UGT2B7: variants seen among roughly 807,000 people sequenced by gnomAD.
The protein encoded by UGT2B7 is UDP glucuronosyltransferase family 2 member B7.
A neutral mutation model predicts 51.9 loss-of-function variants in UGT2B7; 51 were observed. That is an observed-to-expected ratio of 0.98 (90% CI 0.78 to 1.24). The LOEUF is 1.24. UGT2B7 is among the 50% of genes most tolerant of loss of function. The pLI is 0.00. For synonymous variants in UGT2B7, 225 were observed against 211.6 expected (o/e 1.06, Z -0.55); for missense variants, 727 against 628.4 (o/e 1.16, Z -1.68).
chr4:69,084,934 G>A (rs1414615319), intron 1 of UGT2B7, among the ~76,000 whole-genome samples: 1 of 152,090 alleles, frequency 6.6e-6, no homozygotes, highest in Admixed American at 6.6e-5. Context: ...AAAAATACTT[G>A]TGCATGTGTC....
chr4:69,064,104 A>AGG (rs1560499781), intron 1 of UGT2B7, among the ~76,000 whole-genome samples: 3 of 110,568 alleles, frequency 2.7e-5, no homozygotes, highest in African/African-American at 1.3e-4. Context: ...AAGAGAAAGA[A>AGG]AGAAAGAAAA....
intron 1 of UGT2B7, among the ~76,000 whole-genome samples, chr4:69,061,855 C>T (rs1030294063): frequency 1.3e-5 from 2 of 152,078 alleles, no homozygotes; most frequent in South Asian, 4.1e-4. Context: ...TCCGAATTGC[C>T]CCAAGCAGGG....
intron 1 of UGT2B7, among the ~76,000 whole-genome samples, chr4:69,053,935 C>A (rs1718112336): frequency 6.6e-6 from 1 of 152,068 alleles, no homozygotes; most frequent in South Asian, 2.1e-4. Flanking sequence ...AATAAGATAT[C>A]ATAAAGCGAG....
chr4:69,100,020 T>A (rs1475191901), intron 2 of UGT2B7, among the ~76,000 whole-genome samples: 1 of 152,038 alleles, frequency 6.6e-6, no homozygotes, highest in Non-Finnish European at 1.5e-5. Flanking sequence ...ATGTGTTCCT[T>A]TAATATTTGC....
chr4:69,088,094 C>A (rs1394270480), intron 1 of UGT2B7, among the ~76,000 whole-genome samples: 1 of 151,858 alleles, frequency 6.6e-6, no homozygotes, highest in Non-Finnish European at 1.5e-5. Context: ...ATGTTTGATA[C>A]TTTCCATATG....
chr4:69,070,048 T>G (rs1199086471), intron 1 of UGT2B7, among the ~76,000 whole-genome samples: 1 of 151,920 alleles, frequency 6.6e-6, no homozygotes, highest in East Asian at 1.9e-4. Flanking sequence ...AAACATTATG[T>G]AAGGTACAAT....
intron 1 of UGT2B7, among the ~76,000 whole-genome samples, chr4:69,064,028 G>GAAAGAAAGAAAGAAAGAAAT (rs1718417076): frequency 1.9e-5 from 1 of 53,982 alleles, no homozygotes; most frequent in African/African-American, 1.1e-4. Flanking sequence ...GGGAAAGAAA[G>GAAAGAAAGAAAGAAAGAAAT]AAAGAAAGAA....
chr4:69,100,695 A>G (rs955611460), intron 2 of UGT2B7, among the ~76,000 whole-genome samples: 4 of 152,026 alleles, frequency 2.6e-5, no homozygotes, highest in African/African-American at 9.7e-5. Context: ...AAAAGGGATG[A>G]CTAGTACTAA....
At chr4:69,105,564 A>G (rs1193448050) in intron 3 of UGT2B7, among the ~76,000 whole-genome samples, 1 of 152,236 alleles carries the variant, frequency 6.6e-6, no homozygotes, top group Non-Finnish European at 1.5e-5. Flanking sequence ...CTCAGTGTTA[A>G]TAATCAGTTA....
At position 69,097,241 on chromosome 4, in the gene UGT2B7, GGTAA is replaced by G. The variant is rs766991552; in HGVS notation, c.721+4_721+7del. On this transcript the variant is annotated splice_donor_variant and splice_donor_region_variant and intron_variant, in intron 1 of 5. Transcript: ENST00000305231. LOFTEE classifies it high-confidence loss of function. ...GGATCAGTTTTATAGTGAAGTTCTA[GGTAA>G]GTATTTTTTTCAATCAGTAACATGA... is the stretch of plus-strand genomic sequence containing the variant. 6 of 1,600,772 alleles carry G rather than the reference GGTAA, an allele frequency of 3.7e-6. No individual in the cohort carries two copies. The South Asian group carries it at 5.6e-5, about 15-fold the overall frequency.
rs1719632845 is a variant in UGT2B7, at chr4:69,107,354, T to C, written c.1090+92T>C. 14 of 1,372,182 alleles carry C rather than the reference T, an allele frequency of 1.0e-5. No individual in the cohort carries two copies. The South Asian group carries it at 1.4e-4, about 13-fold the overall frequency. The allele number at this position is 1,372,182 out of a possible 1,614,324, so 85.0% of individuals were successfully genotyped here. On this transcript the variant is annotated intron_variant, in intron 4 of 5. Transcript: ENST00000305231. ...ATGAAACAAGCTTATTGAATATTTG[T>C]TAAGGAAAAACAAAATGTAACTTCT...
intron 1 of UGT2B7, among the ~76,000 whole-genome samples, chr4:69,053,422 G>A (rs561080403): frequency 6.6e-6 from 1 of 152,330 alleles, no homozygotes; most frequent in South Asian, 2.1e-4. Context: ...GGTTGAAATA[G>A]ATCAAATATT....
At chr4:69,104,897 A>G (rs1719547058) in intron 3 of UGT2B7, among the ~76,000 whole-genome samples, 1 of 152,180 alleles carries the variant, frequency 6.6e-6, no homozygotes. Flanking sequence ...AGCCTCTTGT[A>G]CTTCCTGTAC....
In UGT2B7 at chr4:69,099,846, A is replaced by T. The variant is rs1302255088; in HGVS notation, c.870+1158A>T. Among the ~76,000 whole-genome samples, 27 of 152,068 alleles carry T rather than the reference A, an allele frequency of 1.8e-4. 1 individual carries two copies. The highest frequency in any genetic ancestry group is 1.8e-3 in the Admixed American group (27 of 15,240). On this transcript the variant is annotated intron_variant, in intron 2 of 5. Transcript: ENST00000305231. ...AGATTGTTCAGTACATCAAAATTAT[A>T]TTCTCTTGCAGAGTCATAGTTGACA... is the stretch of plus-strand genomic sequence containing the variant.
intron 1 of UGT2B7, among the ~76,000 whole-genome samples, chr4:69,076,117 T>C (rs1351607359): frequency 6.6e-6 from 1 of 152,214 alleles, no homozygotes; most frequent in Admixed American, 6.5e-5. Context: ...ACTCATCCTT[T>C]TTTATGTGTG....
Position 69,102,789 on chromosome 4 carries a change from C to A in UGT2B7, c.871-18C>A, listed in dbSNP as rs1453534763. 8.7e-6 allele frequency: 14 copies of A among 1,610,000 alleles called. No individual in the cohort carries two copies. The highest frequency in any genetic ancestry group is 1.2e-5 in the Non-Finnish European group (14 of 1,178,688). ...GTGCTAATACTCTTTTGTGATGAAG[C>A]AAATTCTTTCTTCACAGGAAATGGA... On this transcript the variant is annotated intron_variant, in intron 2 of 5. Transcript: ENST00000305231.
chr4:69,066,117 A>G (rs561172995), intron 1 of UGT2B7, among the ~76,000 whole-genome samples: 1 of 152,190 alleles, frequency 6.6e-6, no homozygotes, highest in Non-Finnish European at 1.5e-5. Flanking sequence ...TGTTTTTAGA[A>G]TTCTAACAGA....
At chr4:69,096,437 C>A, upstream of UGT2B7, 1 of 1,588,722 alleles carries the variant, frequency 6.3e-7, no homozygotes, top group South Asian at 1.2e-5. Flanking sequence ...ATTTTAACTT[C>A]TTGGCTAATT....
At chr4:69,097,515 T>G (rs1428131548) in intron 1 of UGT2B7, among the ~76,000 whole-genome samples, 1 of 152,120 alleles carries the variant, frequency 6.6e-6, no homozygotes, top group Non-Finnish European at 1.5e-5. Flanking sequence ...ATTACACATC[T>G]GTTTTACTAT....
Sources: allele counts gnomAD v4.1 joint callset (sites outside exome capture counted in the v4.1 genomes callset), GRCh38; gene constraint gnomAD v4.1.1; transcripts MANE v1.5; gene names NCBI Gene and HGNC (gene_info 2026-07-23, HGNC 2026-07-21).